Variants in FMN1 observed in about 807,000 individuals in gnomAD.
FMN1 encodes formin 1, also known as formin-1.
Under a neutral mutation model 132.4 loss-of-function variants are expected in FMN1, and 110 were observed. That is an observed-to-expected ratio of 0.83 (90% CI 0.71 to 0.97). The LOEUF is 0.97. Ranked by LOEUF, FMN1 falls within the 50% of genes least tolerant of loss-of-function variation. The probability of loss-of-function intolerance (pLI) is 0.00; values close to 1 mark genes in which losing one functional copy is unlikely to be tolerated. For missense variants in FMN1, 1,792 were observed against 1,705.3 expected, an observed-to-expected ratio of 1.05 and a Z score of -0.90; for synonymous variants, 722 against 651.7, an observed-to-expected ratio of 1.11 and a Z score of -1.64.
At chr15:32,989,569 A>T (rs1442518485) in intron 7 of FMN1, among the ~76,000 whole-genome samples, 1 of 152,122 alleles carries the variant, frequency 6.6e-6, no homozygotes, top group East Asian at 1.9e-4. Flanking sequence ...CCCCCCACCA[A>T]AAGAAAGAAA....
intron 16 of FMN1, among the ~76,000 whole-genome samples, chr15:32,874,876 T>C (rs561178391): frequency 6.6e-6 from 1 of 152,326 alleles, no homozygotes; most frequent in South Asian, 2.1e-4. Context: ...TTGATGACAC[T>C]TTTTAAAGAC....
intron 4 of FMN1, among the ~76,000 whole-genome samples, chr15:33,121,089 T>C (rs755372119): frequency 6.6e-6 from 1 of 151,826 alleles, no homozygotes; most frequent in African/African-American, 2.4e-5. Flanking sequence ...AGATGAAAGG[T>C]TGGCTAGATG....
Position 33,153,681 on chromosome 15 carries a change from TG to T in FMN1, c.1233del (p.Ser412ValfsTer6). ...ACCTTGTTCACGGCCCCCTCGGCACTGGCCGACACACTAGAAATGGAGGCTG... is the reference window on the plus strand; with the variant it reads ...ACCTTGTTCACGGCCCCCTCGGCACTGCCGACACACTAGAAATGGAGGCTG... ...GETASISSVS[A>X]SAEGAVNKVP... On this transcript the variant is annotated frameshift_variant, in exon 4 of 21. Coordinates refer to ENST00000616417, the MANE Select transcript of FMN1 (RefSeq NM_001277313.2). LOFTEE classifies it high-confidence loss of function. 1 of 1,536,428 alleles carries T rather than the reference TG, an allele frequency of 6.5e-7. No individual in the cohort carries two copies. The highest frequency in any genetic ancestry group is 8.7e-7 in the Non-Finnish European group (1 of 1,146,982).
intron 5 of FMN1, among the ~76,000 whole-genome samples, chr15:33,076,599 G>GC (rs1595417025): frequency 6.6e-6 from 1 of 152,148 alleles, no homozygotes; most frequent in African/African-American, 2.4e-5. Context: ...GGTTCTTTAT[G>GC]CAAGTTTTCT....
At chr15:33,032,239 A>T (rs1245717461) in intron 6 of FMN1, among the ~76,000 whole-genome samples, 3 of 152,200 alleles carry the variant, frequency 2.0e-5, no homozygotes, top group Non-Finnish European at 2.9e-5. Flanking sequence ...GGCATGCAAC[A>T]CTAAACGAGT....
intron 7 of FMN1, among the ~76,000 whole-genome samples, chr15:32,981,537 AATAATAATT>A (rs1295154878): frequency 8.9e-5 from 11 of 123,222 alleles, no homozygotes; most frequent in Non-Finnish European, 1.4e-4. Flanking sequence ...TAATAATAAT[AATAATAATT>A]ATTATTATTA....
chr15:32,882,467 A>G (rs8031188), intron 16 of FMN1, among the ~76,000 whole-genome samples: 43,667 of 152,086 alleles, frequency 0.29, 6,879 homozygotes, highest in African/African-American at 0.42. Context: ...AAATGGACAC[A>G]CGCCACACCC....
Position 32,804,281 on chromosome 15 carries a change from CT to C in FMN1, c.3979del (p.Ser1327ValfsTer11). On this transcript the variant is annotated frameshift_variant and splice_region_variant, in exon 18 of 21. Coordinates refer to ENST00000616417, the MANE Select transcript of FMN1 (RefSeq NM_001277313.2). LOFTEE classifies it high-confidence loss of function. ...CTGGGGCCAAATCAGAGCTGCTTAC[CT>C]TTTCTGTGCATTCTCCAAGTGACTT... ...EESHLENAQK[S>X]FETTVRYFGM... 1 of 1,565,808 alleles carries C rather than the reference CT, an allele frequency of 6.4e-7. No individual in the cohort carries two copies. The highest frequency in any genetic ancestry group is 1.2e-5 in the South Asian group (1 of 84,942).
At chr15:32,876,961 C>T (rs969699281) in intron 16 of FMN1, among the ~76,000 whole-genome samples, 3 of 152,124 alleles carry the variant, frequency 2.0e-5, no homozygotes, top group Admixed American at 6.5e-5. Flanking sequence ...CATTAACCTA[C>T]CACACTGGAT....
intron 8 of FMN1, among the ~76,000 whole-genome samples, chr15:32,967,653 A>G (rs926844484): frequency 2.0e-5 from 3 of 152,244 alleles, no homozygotes; most frequent in African/African-American, 7.2e-5. Context: ...GATGTTCCAA[A>G]AACAAACTCT....
At chr15:32,859,310 G>A (rs2059210460) in intron 16 of FMN1, among the ~76,000 whole-genome samples, 1 of 152,096 alleles carries the variant, frequency 6.6e-6, no homozygotes. Flanking sequence ...TTCAAACTTC[G>A]GGGACTTGGA....
At chr15:33,183,023 C>T (rs2140345209) in intron 2 of FMN1, among the ~76,000 whole-genome samples, 1 of 152,274 alleles carries the variant, frequency 6.6e-6, no homozygotes, top group Non-Finnish European at 1.5e-5. Context: ...AGATTCAATA[C>T]CAAGCAGCCT....
At chr15:32,924,786 T>C (rs750347953) in intron 10 of FMN1, among the ~76,000 whole-genome samples, 2 of 152,176 alleles carry the variant, frequency 1.3e-5, no homozygotes, top group Non-Finnish European at 2.9e-5. Context: ...TTATGGCGTA[T>C]GCCTGTAATC....
Position 32,964,048 on chromosome 15 carries a change from C to CAT in FMN1, c.3138+57_3138+58dup, listed in dbSNP as rs373128790. On this transcript the variant is annotated intron_variant, in intron 9 of 20. Transcript: ENST00000616417. ...ACACACACACACACACACACACACACATATATACCATTTCCCTGTATAATA... is the reference window on the plus strand; with the variant it reads ...ACACACACACACACACACACACACACATATATATACCATTTCCCTGTATAATA... 2.6e-4 allele frequency: 292 copies of CAT among 1,123,970 alleles called. 1 individual carries two copies. The highest frequency in any genetic ancestry group is 1.9e-3 in the African/African-American group (105 of 56,650). The allele number at this position is 1,123,970 out of a possible 1,614,324, so 69.6% of individuals were successfully genotyped here.
intron 2 of FMN1, among the ~76,000 whole-genome samples, chr15:33,185,676 G>C (rs1010131223): frequency 6.7e-6 from 1 of 148,248 alleles, no homozygotes; most frequent in Non-Finnish European, 1.5e-5. Context: ...AGGTTCAAGC[G>C]ATTCTCCTGC....
At chr15:33,105,590 T>C (rs2039454297) in intron 4 of FMN1, among the ~76,000 whole-genome samples, 1 of 152,158 alleles carries the variant, frequency 6.6e-6, no homozygotes, top group African/African-American at 2.4e-5. Flanking sequence ...ACAGACTATA[T>C]GGCTTTGAGA....
rs987429709 is a variant in FMN1, at chr15:33,008,028, T to C, written c.2209A>G (p.Ile737Val). 2.5e-6 allele frequency: 4 copies of C among 1,601,208 alleles called. No individual in the cohort carries two copies. The Admixed American group carries it at 5.1e-5, about 21-fold the overall frequency. Residue 737 changes from isoleucine to valine, a missense_variant, in exon 7 of 21, where the codon ATT (isoleucine) becomes GTT (valine). By Grantham distance (29) the Ile-to-Val change is conservative (BLOSUM62 3). Coordinates refer to ENST00000616417, the MANE Select transcript of FMN1 (RefSeq NM_001277313.2). The part of the protein sequence containing the change: ...LHLKREHKEE[I>V]ENLQAQFELR... Reference sequence around the variant, plus strand: ...AAGAGGCATACCTGCAGGTTTTCAATTTCTTCTTTGTGCTCCCTCTTCAAG... The same window carrying C: ...AAGAGGCATACCTGCAGGTTTTCAACTTCTTCTTTGTGCTCCCTCTTCAAG...
At chr15:33,147,923 G>A (rs562834537) in intron 4 of FMN1, among the ~76,000 whole-genome samples, 2 of 152,044 alleles carry the variant, frequency 1.3e-5, no homozygotes, top group East Asian at 1.9e-4. Flanking sequence ...AGAGCTTTGT[G>A]TGTTGTTTTT....
chr15:32,822,022 T>TC (rs2058231462), intron 17 of FMN1, among the ~76,000 whole-genome samples: 1 of 152,200 alleles, frequency 6.6e-6, no homozygotes, highest in Non-Finnish European at 1.5e-5. Context: ...CTTTTGCTAC[T>TC]CCACTTCTTC....
Sources: allele counts gnomAD v4.1 joint callset (sites outside exome capture counted in the v4.1 genomes callset), GRCh38; gene constraint gnomAD v4.1.1; transcripts MANE v1.5; gene names NCBI Gene and HGNC (gene_info 2026-07-23, HGNC 2026-07-21).